Variants in IPO5 observed in about 807,000 individuals in gnomAD.
IPO5 encodes the protein importin-5.
In IPO5, 18 loss-of-function variants were observed where a neutral mutation model predicts 143.3. That is an observed-to-expected ratio of 0.13 (90% CI 0.09 to 0.19). The LOEUF is 0.19. Ranked by LOEUF, IPO5 falls within the 10% of genes least tolerant of loss-of-function variation. IPO5 has a pLI of 1.00. For missense variants in IPO5, 1,013 were observed against 1,336.9 expected (o/e 0.76, Z 3.78); for synonymous variants, 477 against 465.7 (o/e 1.02, Z -0.31).
intron 3 of IPO5, among the ~76,000 whole-genome samples, chr13:97,971,149 C>T (rs1231957898): frequency 6.6e-6 from 1 of 152,178 alleles, no homozygotes; most frequent in Non-Finnish European, 1.5e-5. Context: ...TAAAATGAGT[C>T]CCTCCATCTG....
rs772403897 is a variant in IPO5, at chr13:97,997,628, C to T, written c.1001+10C>T. ...ATGATGATTTTGACAGGTAATCAAA[C>T]ATTGTGTCCAGGGTGGCAGTGAAAG... On this transcript the variant is annotated intron_variant, in intron 12 of 28. Transcript: ENST00000651721. The T allele has an allele frequency of 6.4e-7, 1 of 1,573,100 alleles. No homozygotes were observed. The highest frequency in any genetic ancestry group is 8.7e-7 in the Non-Finnish European group (1 of 1,143,560).
At chr13:97,991,060 A>T (rs1000778187) in intron 9 of IPO5, among the ~76,000 whole-genome samples, 2 of 152,272 alleles carry the variant, frequency 1.3e-5, no homozygotes, top group Middle Eastern at 3.4e-3. Flanking sequence ...GGGGAAAAAA[A>T]TTTTATATTA....
At chr13:97,961,285 C>T (rs565032504) in intron 2 of IPO5, among the ~76,000 whole-genome samples, 3 of 152,282 alleles carry the variant, frequency 2.0e-5, no homozygotes, top group Non-Finnish European at 4.4e-5. Flanking sequence ...TTGCCATGAA[C>T]ATTCATGTAC....
At chr13:98,000,495 G>T in intron 12 of IPO5, 44 bp from the exon 13 acceptor site, 1 of 1,206,236 alleles carries the variant, frequency 8.3e-7, no homozygotes, top group Non-Finnish European at 1.2e-6. Context: ...TATTTCTTTT[G>T]TGTTTCAGAT....
intron 8 of IPO5, 49 bp downstream of exon 8, chr13:97,990,271 T>A (rs1463783573): frequency 2.2e-5 from 31 of 1,386,462 alleles, no homozygotes; most frequent in Non-Finnish European, 3.1e-5. Flanking sequence ...TAATCTAATT[T>A]GCGAAAGAAA....
chr13:97,968,782 C>T (rs1433753799), intron 2 of IPO5, among the ~76,000 whole-genome samples: 3 of 152,028 alleles, frequency 2.0e-5, no homozygotes, highest in Non-Finnish European at 2.9e-5. Flanking sequence ...CCTCTGCCTC[C>T]CAGGTTCAAA....
chr13:98,015,835 T>A (rs76613545), intron 24 of IPO5, 54 bp downstream of exon 24: 113 of 1,110,904 alleles, frequency 1.0e-4, no homozygotes, highest in Non-Finnish European at 1.4e-4. Flanking sequence ...CTGAAAGACT[T>A]GTAAATGCCT....
At chr13:97,979,716 G>C (rs1178593562) in intron 4 of IPO5, among the ~76,000 whole-genome samples, 1 of 152,126 alleles carries the variant, frequency 6.6e-6, no homozygotes, top group Non-Finnish European at 1.5e-5. Flanking sequence ...GTTTTTTGTA[G>C]AGACAGGGTC....
chr13:98,000,991 T>C (rs1016425168), intron 13 of IPO5: 1 of 232,854 alleles, frequency 4.3e-6, no homozygotes, highest in African/African-American at 2.3e-5. Context: ...CTTCTTTCTT[T>C]CTGTTTTTGC....
chr13:98,008,173 C>A, intron 18 of IPO5, 31 bp downstream of exon 18: 1 of 1,291,612 alleles, frequency 7.7e-7, no homozygotes, highest in Non-Finnish European at 1.1e-6. Context: ...TGCTTTGATC[C>A]GCTAATGAGT....
intron 28 of IPO5, 73 bp downstream of exon 28, chr13:98,021,206 A>G (rs1009993646): frequency 3.7e-6 from 5 of 1,342,080 alleles, no homozygotes; most frequent in African/African-American, 3.0e-5. Flanking sequence ...ATGAGAAGAA[A>G]CTAGAAATCT....
chr13:98,016,677 A>T (rs1890139839), intron 24 of IPO5, 52 bp from the exon 25 acceptor site: 3 of 983,154 alleles, frequency 3.1e-6, no homozygotes, highest in Non-Finnish European at 4.3e-6. Context: ...TATTGATAAT[A>T]GAAAATATAC....
intron 13 of IPO5, 68 bp from the exon 14 acceptor site, chr13:98,002,399 T>C: frequency 6.8e-7 from 1 of 1,467,518 alleles, no homozygotes. Flanking sequence ...CTTTTATACA[T>C]CTCCCTCTAC....
At position 97,988,138 on chromosome 13, in the gene IPO5, T is replaced by C. The variant is rs76169551; in HGVS notation, c.365-924T>C. The stretch of plus-strand genomic sequence containing the variant: ...AACTCTTAAGGTCTTTGTGACAATA[T>C]AACCAGAGTCTTATAAGTGGCACAG... On this transcript the variant is annotated intron_variant, in intron 6 of 28. Coordinates refer to ENST00000651721, the MANE Select transcript of IPO5 (RefSeq NM_002271.6). The C allele has an allele frequency of 6.6e-3, 1,077 of 164,322 alleles. 16 individuals are homozygous for C. The highest frequency in any genetic ancestry group is 0.024 in the African/African-American group (1,009 of 41,936). 10.2% of individuals were successfully genotyped at this position (164,322 alleles called of 1,614,324 possible).
At chr13:98,002,088 A>T (rs1193695617) in intron 13 of IPO5, 1 of 155,690 alleles carries the variant, frequency 6.4e-6, no homozygotes, top group Non-Finnish European at 1.4e-5. Context: ...ATCTCGGCTC[A>T]CTGCAAGCTC....
intron 5 of IPO5, among the ~76,000 whole-genome samples, chr13:97,984,575 A>G (rs1403214765): frequency 6.6e-6 from 1 of 152,168 alleles, no homozygotes; most frequent in African/African-American, 2.4e-5. Context: ...AAATATTTGT[A>G]AAGGTTTCTA....
rs1378065824 is a variant in IPO5, at chr13:98,006,361, T to A, written c.1716+13T>A. ...TGGGAAGGAAAAAGTAAGTAATTTT[T>A]TTTTTTTTTTTTTTTTTTTTTTTTT... On this transcript the variant is annotated intron_variant, in intron 17 of 28. Coordinates refer to ENST00000651721, the MANE Select transcript of IPO5 (RefSeq NM_002271.6). 10 of 266,632 alleles carry A rather than the reference T, an allele frequency of 3.8e-5. No homozygotes were observed. The African/African-American group carries it at 4.7e-4, about 13-fold the overall frequency. 16.5% of individuals were successfully genotyped at this position (266,632 alleles called of 1,614,324 possible).
chr13:98,000,087 A>G (rs1347744681), intron 12 of IPO5, among the ~76,000 whole-genome samples: 2 of 152,160 alleles, frequency 1.3e-5, no homozygotes, highest in Non-Finnish European at 2.9e-5. Flanking sequence ...GATCAAGACA[A>G]TCCTGGCTAA....
At chr13:98,006,843 ATTGT>A (rs748887472) in intron 17 of IPO5, among the ~76,000 whole-genome samples, 33 of 139,366 alleles carry the variant, frequency 2.4e-4, no homozygotes, top group East Asian at 6.2e-4. Context: ...TCATCTTTTC[ATTGT>A]TTGTTTGTTT....
Sources: gnomAD v4.1 joint callset for allele counts (sites outside exome capture counted in the v4.1 genomes callset) on GRCh38, gnomAD v4.1.1 for gene constraint, MANE v1.5 for transcripts, NCBI Gene and HGNC (gene_info 2026-07-23, HGNC 2026-07-21) for gene names.